Variants in MARCHF1 observed in about 807,000 individuals in gnomAD.
MARCHF1 encodes the protein membrane associated ring-CH-type finger 1, also known as E3 ubiquitin-protein ligase MARCHF1.
MARCHF1 carries 40 observed loss-of-function variants against 54.2 expected under a neutral mutation model. That is an observed-to-expected ratio of 0.74 (90% CI 0.57 to 0.96). MARCHF1 has a LOEUF of 0.96. Among genes scored for constraint, MARCHF1 ranks in the 40% least tolerant of loss-of-function variants. The pLI is 0.00. For synonymous variants in MARCHF1, 236 were observed against 236.3 expected (o/e 1.00, Z 0.01); for missense variants, 586 against 656.5 (o/e 0.89, Z 1.17).
intron 5 of MARCHF1, among the ~76,000 whole-genome samples, chr4:163,677,792 T>A (rs1043230636): frequency 6.6e-6 from 1 of 152,202 alleles, no homozygotes; most frequent in African/African-American, 2.4e-5. Context: ...GGACACACAC[T>A]ACATGCCAAC....
At chr4:163,742,389 TCCTTCCTC>T (rs200612277) in intron 4 of MARCHF1, among the ~76,000 whole-genome samples, 4,558 of 76,328 alleles carry the variant, frequency 0.06, 129 homozygotes, top group African/African-American at 0.11. Context: ...GCTACCTCCT[TCCTTCCTC>T]CCTTCCTTCC....
At chr4:163,532,867 G>T (rs992499259) in intron 9 of MARCHF1, among the ~76,000 whole-genome samples, 1 of 151,918 alleles carries the variant, frequency 6.6e-6, no homozygotes, top group African/African-American at 2.4e-5. Flanking sequence ...AACACTGAAC[G>T]TTGGAAAGGA....
chr4:164,125,627 G>A (rs903928264), intron 1 of MARCHF1, among the ~76,000 whole-genome samples: 2 of 152,128 alleles, frequency 1.3e-5, no homozygotes, highest in African/African-American at 4.8e-5. Context: ...CTTATGATAA[G>A]CTCACATTTG....
intron 1 of MARCHF1, among the ~76,000 whole-genome samples, chr4:164,159,252 C>A (rs1039734688): frequency 2.0e-5 from 3 of 152,104 alleles, no homozygotes; most frequent in African/African-American, 4.8e-5. Context: ...TACATTCATA[C>A]AAATATTAGG....
intron 5 of MARCHF1, among the ~76,000 whole-genome samples, chr4:163,642,661 C>CTTT (rs1742595556): frequency 6.6e-6 from 1 of 152,070 alleles, no homozygotes; most frequent in Non-Finnish European, 1.5e-5. Flanking sequence ...ATTAATGGAA[C>CTTT]TTAGAGGATA....
chr4:163,727,135 A>T (rs1745680646), intron 4 of MARCHF1, among the ~76,000 whole-genome samples: 1 of 152,136 alleles, frequency 6.6e-6, no homozygotes, highest in Non-Finnish European at 1.5e-5. Flanking sequence ...CTAGAAAGTC[A>T]TCACCAAACC....
chr4:163,817,358 C>A, intron 4 of MARCHF1, among the ~76,000 whole-genome samples: 1 of 151,420 alleles, frequency 6.6e-6, no homozygotes, highest in Non-Finnish European at 1.5e-5. Flanking sequence ...TACACATATA[C>A]ATACATACAT....
intron 5 of MARCHF1, among the ~76,000 whole-genome samples, chr4:163,682,954 A>G (rs1418090217): frequency 6.6e-6 from 1 of 152,214 alleles, no homozygotes; most frequent in Admixed American, 6.5e-5. Flanking sequence ...AGTTTAGTAC[A>G]GCAAAATAAT....
chr4:163,966,410 G>C (rs1196223055), intron 3 of MARCHF1, among the ~76,000 whole-genome samples: 3 of 151,890 alleles, frequency 2.0e-5, no homozygotes, highest in African/African-American at 7.3e-5. Flanking sequence ...CAGTGTTTAA[G>C]CCTAACGACC....
chr4:163,524,524 CAT>C (rs1452133546), downstream of MARCHF1: 1 of 152,062 alleles, frequency 6.6e-6, no homozygotes, highest in African/African-American at 2.4e-5. Flanking sequence ...TGAAAGTCCA[CAT>C]AGTTTATTTT....
chr4:163,716,704 T>A (rs1745268880), intron 4 of MARCHF1, among the ~76,000 whole-genome samples: 1 of 152,090 alleles, frequency 6.6e-6, no homozygotes, highest in South Asian at 2.1e-4. Flanking sequence ...GCTGGCAGGG[T>A]TGGGATGCAG....
intron 2 of MARCHF1, among the ~76,000 whole-genome samples, chr4:164,093,608 G>T (rs1457927415): frequency 1.3e-5 from 2 of 152,100 alleles, no homozygotes; most frequent in African/African-American, 2.4e-5. Context: ...TTAGAACCCA[G>T]GAGAAATGGA....
At chr4:163,902,382 T>C (rs1311504130) in intron 3 of MARCHF1, among the ~76,000 whole-genome samples, 3 of 152,216 alleles carry the variant, frequency 2.0e-5, no homozygotes, top group Admixed American at 6.5e-5. Flanking sequence ...AAGAGAATGC[T>C]ATCTCTGGCT....
intron 1 of MARCHF1, among the ~76,000 whole-genome samples, chr4:164,339,682 C>T (rs1729858166): frequency 6.6e-6 from 1 of 151,928 alleles, no homozygotes; most frequent in South Asian, 2.1e-4. Flanking sequence ...AGTAAATAAA[C>T]TAAGCATAGA....
At chr4:163,997,925 T>TACACACACACACAC (rs5863648) in intron 2 of MARCHF1, among the ~76,000 whole-genome samples, 36 of 148,218 alleles carry the variant, frequency 2.4e-4, no homozygotes, top group African/African-American at 8.9e-4. Flanking sequence ...TTGCCTTAAA[T>TACACACACACACAC]ACACACACAC....
intron 1 of MARCHF1, among the ~76,000 whole-genome samples, chr4:164,128,520 A>T (rs764979263): frequency 7.3e-6 from 1 of 137,248 alleles, no homozygotes; most frequent in Non-Finnish European, 1.6e-5. Flanking sequence ...TACTTATGAA[A>T]TGATGCTCAT....
chr4:163,869,706 A>G (rs1015240719), intron 3 of MARCHF1, among the ~76,000 whole-genome samples: 1 of 152,130 alleles, frequency 6.6e-6, no homozygotes, highest in African/African-American at 2.4e-5. Context: ...AGAAAGCACT[A>G]AGGCAATTAA....
chr4:163,680,018 AG>A (rs1744053704), intron 5 of MARCHF1, among the ~76,000 whole-genome samples: 1 of 149,024 alleles, frequency 6.7e-6, no homozygotes, highest in Non-Finnish European at 1.5e-5. Flanking sequence ...GACTAACAAC[AG>A]GGCTCTTACT....
At chr4:164,053,238 T>C (rs566413340) in intron 2 of MARCHF1, among the ~76,000 whole-genome samples, 13 of 152,306 alleles carry the variant, frequency 8.5e-5, no homozygotes, top group African/African-American at 3.1e-4. Context: ...CTGAAGTTTT[T>C]TTTTAAAAAA....
Sources: gnomAD v4.1 joint callset for allele counts (sites outside exome capture counted in the v4.1 genomes callset) on GRCh38, gnomAD v4.1.1 for gene constraint, MANE v1.5 for transcripts, NCBI Gene and HGNC (gene_info 2026-07-23, HGNC 2026-07-21) for gene names.